PLPPR1: variants seen among roughly 807,000 people sequenced by gnomAD.
PLPPR1 encodes phospholipid phosphatase related 1.
PLPPR1 carries 10 observed loss-of-function variants against 33.1 expected under a neutral mutation model. The observed-to-expected ratio is 0.30, with a 90% CI of 0.19 to 0.51. The LOEUF (loss-of-function observed/expected upper bound fraction) is 0.51. Among genes scored for constraint, PLPPR1 ranks in the 20% least tolerant of loss-of-function variants. The pLI, the probability that PLPPR1 is intolerant of heterozygous loss-of-function variation, is 0.97. For synonymous variants in PLPPR1, 151 were observed against 151.0 expected, an observed-to-expected ratio of 1.00 and a Z score of 0.00; for missense variants, 304 against 408.1, an observed-to-expected ratio of 0.74 and a Z score of 2.20.
intron 2 of PLPPR1, among the ~76,000 whole-genome samples, chr9:101,261,256 C>A (rs189037218): frequency 6.6e-6 from 1 of 152,232 alleles, no homozygotes; most frequent in East Asian, 1.9e-4. Flanking sequence ...ATTATTATTT[C>A]TTTGGACTTA....
intron 1 of PLPPR1, among the ~76,000 whole-genome samples, chr9:101,126,119 C>T (rs916400696): frequency 7.9e-5 from 12 of 152,210 alleles, no homozygotes; most frequent in African/African-American, 2.9e-4. Context: ...TTGTCAGATA[C>T]TTGATTAACC....
At chr9:101,064,301 GCTTGGCTAAACCTGGCT>G (rs1670141820) in intron 1 of PLPPR1, among the ~76,000 whole-genome samples, 1 of 152,038 alleles carries the variant, frequency 6.6e-6, no homozygotes, top group South Asian at 2.1e-4. Context: ...TTCAGAAAGT[GCTTGGCTAAACCTGGCT>G]CAGAGTTTCT....
At chr9:101,167,650 G>A (rs1825880769) in intron 1 of PLPPR1, among the ~76,000 whole-genome samples, 1 of 152,056 alleles carries the variant, frequency 6.6e-6, no homozygotes, top group South Asian at 2.1e-4. Context: ...CAGGACAGGA[G>A]TTCTGAAAGG....
Position 101,309,393 on chromosome 9 carries a change from G to A in PLPPR1, c.568G>A (p.Glu190Lys). 1 of 1,614,058 alleles carries A rather than the reference G, an allele frequency of 6.2e-7. No homozygotes were observed. Among genetic ancestry groups the A allele is most frequent in the Non-Finnish European group, 8.5e-7 (1 of 1,180,006 alleles). The stretch of plus-strand genomic sequence containing the variant: ...TTGTACTGGGGACCTGGAAGTGATA[G>A]AAAAGGCTCGGAGATCCTTTCCCTC... ...NICTGDLEVI[E>K]KARRSFPSKH... Residue 190 changes from glutamate (E) to lysine (K), a missense_variant, in exon 5 of 8, where the codon GAA (glutamate) becomes AAA (lysine). Physicochemically the swap from Glu to Lys is moderately conservative, Grantham distance 56. Transcript: ENST00000374874.
chr9:101,306,489 A>C (rs1023885581), intron 4 of PLPPR1, among the ~76,000 whole-genome samples: 1 of 152,190 alleles, frequency 6.6e-6, no homozygotes, highest in Non-Finnish European at 1.5e-5. Flanking sequence ...TGATCTTCCA[A>C]ACCAAGCATA....
rs184261415 is a variant in PLPPR1 at position 101,064,339 on chromosome 9, A to G, written c.-46+35237A>G. Among the ~76,000 whole-genome samples, 109 of 134,248 alleles carry G rather than the reference A, an allele frequency of 8.1e-4. 1 individual carries two copies. Among genetic ancestry groups the G allele is most frequent in the African/African-American group, 2.8e-3 (104 of 36,814 alleles). 88.1% of individuals were successfully genotyped at this position (134,248 alleles called of 152,430 possible). ...TGGCTCAGAGTTTCTCATGGGATTA[A>G]TATTTATAGAATGAATGAATGAATG... On this transcript the variant is annotated intron_variant, in intron 1 of 7. Coordinates refer to ENST00000374874, the MANE Select transcript of PLPPR1 (RefSeq NM_207299.2).
chr9:101,268,999 A>AT (rs1828047438), intron 2 of PLPPR1, among the ~76,000 whole-genome samples: 1 of 152,164 alleles, frequency 6.6e-6, no homozygotes, highest in Non-Finnish European at 1.5e-5. Context: ...AGTTTCTGTA[A>AT]TTTCATGACC....
Position 101,152,801 on chromosome 9 carries a change from G to A in PLPPR1, c.-45-32649G>A, listed in dbSNP as rs185698957. Among the ~76,000 whole-genome samples, 41 of 152,260 alleles carry A rather than the reference G, an allele frequency of 2.7e-4. No homozygotes were observed. In the East Asian group the frequency reaches 7.0e-3, roughly 26 times the overall value. ...GTACCATGCTGTTTTGGTTACTGTA[G>A]CCTTGTAGTATAGTTTGAAGTCAGG... is the stretch of plus-strand genomic sequence containing the variant. On this transcript the variant is annotated intron_variant, in intron 1 of 7. Transcript: ENST00000374874.
At chr9:101,206,604 G>A (rs1292042165) in intron 2 of PLPPR1, among the ~76,000 whole-genome samples, 1 of 152,080 alleles carries the variant, frequency 6.6e-6, no homozygotes, top group African/African-American at 2.4e-5. Context: ...GGACAGGATT[G>A]GTTTAAACTT....
At chr9:101,157,373 C>A (rs73499829) in intron 1 of PLPPR1, among the ~76,000 whole-genome samples, 4,042 of 152,200 alleles carry the variant, frequency 0.027, 172 homozygotes, top group African/African-American at 0.087. Flanking sequence ...TGAGTTTAGT[C>A]TTGGATATAT....
chr9:101,316,616 C>CAAAAAAAAAA (rs553324474), intron 6 of PLPPR1, among the ~76,000 whole-genome samples: 35 of 82,572 alleles, frequency 4.2e-4, no homozygotes, highest in East Asian at 9.5e-4. Flanking sequence ...TCTTCTTGGG[C>CAAAAAAAAAA]AAAAAAAAAA....
intron 3 of PLPPR1, among the ~76,000 whole-genome samples, chr9:101,274,399 A>C (rs2118900781): frequency 6.6e-6 from 1 of 152,252 alleles, no homozygotes; most frequent in African/African-American, 2.4e-5. Context: ...TCTGTACATG[A>C]TTAGACAGCC....
chr9:101,152,743 G>T (rs1368789668), intron 1 of PLPPR1, among the ~76,000 whole-genome samples: 4 of 152,124 alleles, frequency 2.6e-5, no homozygotes, highest in Non-Finnish European at 5.9e-5. Flanking sequence ...GCTCTGTTCT[G>T]TTCCATTGGT....
rs371640999 is a variant in PLPPR1 at position 101,268,324 on chromosome 9, A to G, written c.64-1556A>G. On this transcript the variant is annotated intron_variant, in intron 2 of 7. Transcript: ENST00000374874. ...GAAAATGATGCTAATCTGCTACTGT[A>G]TGGAAGAGTTGCAGAATTACTATCC... Among the ~76,000 whole-genome samples the G allele has an allele frequency of 2.6e-5, 4 of 152,122 alleles. No homozygotes were observed. In the East Asian group the frequency reaches 5.8e-4, roughly 22 times the overall value.
chr9:101,061,657 C>T (rs1400360863), intron 1 of PLPPR1, among the ~76,000 whole-genome samples: 1 of 144,734 alleles, frequency 6.9e-6, no homozygotes, highest in African/African-American at 2.5e-5. Flanking sequence ...AGTTAATTGT[C>T]CCTAGTCTGT....
Position 101,309,404 on chromosome 9 carries a change from G to T in PLPPR1, c.579G>T (p.Arg193=), listed in dbSNP as rs746920367. ...ACCTGGAAGTGATAGAAAAGGCTCG[G>T]AGATCCTTTCCCTCCAAACACGCTG... ...TGDLEVIEKA[R]RSFPSKHAAL... The change falls in exon 5 of 8, where the codon CGG becomes CGT. Residue 193 remains arginine, a synonymous_variant. Transcript: ENST00000374874. 6.4e-5 allele frequency: 103 copies of T among 1,613,834 alleles called. No individual in the cohort carries two copies. Among genetic ancestry groups the T allele is most frequent in the Non-Finnish European group, 8.7e-5 (103 of 1,179,950 alleles).
At chr9:101,218,781 AG>A in intron 2 of PLPPR1, among the ~76,000 whole-genome samples, 1 of 152,338 alleles carries the variant, frequency 6.6e-6, no homozygotes, top group African/African-American at 2.4e-5. Flanking sequence ...CTTGGCAGGT[AG>A]CAAACTAAAA....
intron 1 of PLPPR1, among the ~76,000 whole-genome samples, chr9:101,156,814 C>A (rs890581333): frequency 1.3e-5 from 2 of 151,972 alleles, no homozygotes; most frequent in Non-Finnish European, 2.9e-5. Flanking sequence ...AGCTTGAGTT[C>A]AAAAACTAAA....
At chr9:101,051,829 T>C (rs1830226198) in intron 1 of PLPPR1, among the ~76,000 whole-genome samples, 1 of 152,226 alleles carries the variant, frequency 6.6e-6, no homozygotes, top group Non-Finnish European at 1.5e-5. Context: ...TGATAACCTC[T>C]ATTTACATTT....
Sources: gnomAD v4.1 joint callset for allele counts (sites outside exome capture counted in the v4.1 genomes callset) on GRCh38, gnomAD v4.1.1 for gene constraint, MANE v1.5 for transcripts, NCBI Gene and HGNC (gene_info 2026-07-23, HGNC 2026-07-21) for gene names.